TFRC: variants seen among roughly 807,000 people sequenced by gnomAD.
TFRC encodes transferrin receptor protein 1.
TFRC carries 35 observed loss-of-function variants against 85.8 expected under a neutral mutation model. The ratio of observed to expected loss-of-function variants is 0.41; its 90% CI spans 0.31 to 0.54. The LOEUF (loss-of-function observed/expected upper bound fraction) is 0.54. TFRC is among the 20% of genes least tolerant of loss of function. The probability of loss-of-function intolerance (pLI) is 0.31; values close to 1 mark genes in which losing one functional copy is unlikely to be tolerated. For missense variants in TFRC, 828 were observed against 921.5 expected, an observed-to-expected ratio of 0.90 and a Z score of 1.31; for synonymous variants, 362 against 328.6, an observed-to-expected ratio of 1.10 and a Z score of -1.10.
intron 7 of TFRC, among the ~76,000 whole-genome samples, chr3:196,068,487 T>C (rs1717914355): frequency 6.6e-6 from 1 of 150,626 alleles, no homozygotes. Flanking sequence ...GGCTGGCGCC[T>C]GTATTCCCAG....
chr3:196,080,880 C>T (rs1719114338), intron 1 of TFRC, among the ~76,000 whole-genome samples: 1 of 152,222 alleles, frequency 6.6e-6, no homozygotes, highest in Non-Finnish European at 1.5e-5. Flanking sequence ...GTACTCTAGA[C>T]AGCCTAACCT....
intron 10 of TFRC, 64 bp downstream of exon 10, chr3:196,065,379 T>A: frequency 2.0e-6 from 2 of 978,594 alleles, no homozygotes; most frequent in Non-Finnish European, 2.8e-6. Context: ...TCTAGCCACA[T>A]CCTTAGGAAC....
intron 2 of TFRC, 133 bp downstream of exon 2, chr3:196,076,931 A>G: frequency 1.2e-6 from 1 of 817,086 alleles, no homozygotes. Context: ...GTTATGCCTC[A>G]AGACTACCAA....
chr3:196,074,051 C>T lies in TFRC; in HGVS notation c.313G>A (p.Glu105Lys), dbSNP rs773087880. 6.2e-6 allele frequency: 10 copies of T among 1,614,144 alleles called. No homozygotes were observed. In the East Asian group the frequency reaches 1.1e-4, roughly 18 times the overall value. The change falls in exon 4 of 19, where the codon GAG (glutamate) becomes AAG (lysine). Residue 105 changes from glutamate (E) to lysine (K), a missense_variant. Coordinates refer to ENST00000360110, the MANE Select transcript of TFRC (RefSeq NM_001128148.3). Reference sequence around the variant, plus strand: ...CCTGGCTCCTCCCTCACTGGAGACTCGGTTCCTGCCAGTCTCTCACACTCA... The same window carrying T: ...CCTGGCTCCTCCCTCACTGGAGACTTGGTTCCTGCCAGTCTCTCACACTCA... ...KTECERLAGT[E>K]SPVREEPGED...
rs910726544 is a variant in TFRC at position 196,051,713 on chromosome 3, G to A, written c.*229C>T. 1.2e-5 allele frequency: 6 copies of A among 515,420 alleles called. No homozygotes were observed. Among genetic ancestry groups the A allele is most frequent in the African/African-American group, 1.2e-4 (6 of 51,988 alleles). 31.9% of individuals were successfully genotyped at this position (515,420 alleles called of 1,614,324 possible). A position where few individuals can be genotyped will look rare whatever the true frequency, so the allele number is the denominator to read the frequency against. On this transcript the variant is annotated 3_prime_UTR_variant, in exon 19 of 19. Transcript: ENST00000360110. ...AAAGCACTTAAAATTCTAGAGATAG[G>A]GGAATATTCCATCATGGACATTTTT...
At chr3:196,052,844 G>A (rs757102013) in intron 18 of TFRC, among the ~76,000 whole-genome samples, 6 of 152,122 alleles carry the variant, frequency 3.9e-5, no homozygotes, top group East Asian at 3.9e-4. Flanking sequence ...TAGGCACAGC[G>A]GCTCACGCTT....
In TFRC at chr3:196,050,407, G is replaced by T. The variant is rs1240133320; in HGVS notation, c.*1535C>A. The stretch of plus-strand genomic sequence containing the variant: ...AAAGATAGGGAATTATAGGAGTTGG[G>T]ATACATGTTAGATACTAACGATCTT... On this transcript the variant is annotated 3_prime_UTR_variant, in exon 19 of 19. Transcript: ENST00000360110. The T allele has an allele frequency of 4.7e-6, 1 of 211,468 alleles. No homozygotes were observed. The highest frequency in any genetic ancestry group is 9.6e-6 in the Non-Finnish European group (1 of 104,218). The allele number at this position is 211,468 out of a possible 1,614,324, so 13.1% of individuals were successfully genotyped here.
chr3:196,061,060 TTTTCCCCCATGTAGACA>T (rs1717241389), intron 13 of TFRC, among the ~76,000 whole-genome samples: 1 of 152,190 alleles, frequency 6.6e-6, no homozygotes, highest in Non-Finnish European at 1.5e-5. Flanking sequence ...CTCTTTCCTT[TTTTCCCCCATGTAGACA>T]TTTCACTATT....
Position 196,064,387 on chromosome 3 carries a change from G to A in TFRC, c.1240C>T (p.Pro414Ser). ...VVGAQRDAWG[P>S]GAAKSGVGTA... ...CCTACACCGGATTTTGCAGCTCCAG[G>A]GCCCCATGCATCTCTCTGGGCCCCA... Residue 414 changes from proline to serine, a missense_variant, in exon 11 of 19, where the codon CCT (proline) becomes TCT (serine). Pro to Ser is a moderately conservative substitution (Grantham distance 74). Coordinates refer to ENST00000360110, the MANE Select transcript of TFRC (RefSeq NM_001128148.3). 1 of 1,613,268 alleles carries A rather than the reference G, an allele frequency of 6.2e-7. No homozygotes were observed. Among genetic ancestry groups the A allele is most frequent in the Non-Finnish European group, 8.5e-7 (1 of 1,179,772 alleles).
intron 1 of TFRC, among the ~76,000 whole-genome samples, chr3:196,077,689 T>C (rs1718823023): frequency 6.6e-6 from 1 of 151,914 alleles, no homozygotes; most frequent in Admixed American, 6.6e-5. Flanking sequence ...GAGGTGGAGC[T>C]TGCAGTGAGC....
rs772462707 is a variant in TFRC at position 196,067,534 on chromosome 3, C to T, written c.1024G>A (p.Ala342Thr). The T allele has an allele frequency of 1.5e-5, 24 of 1,613,202 alleles. No individual in the cohort carries two copies. The highest frequency in any genetic ancestry group is 2.0e-5 in the Non-Finnish European group (24 of 1,179,664). The change falls in exon 9 of 19, where the codon GCA becomes ACA. Residue 342 changes from alanine to threonine, a missense_variant. Coordinates refer to ENST00000360110, the MANE Select transcript of TFRC (RefSeq NM_001128148.3). The stretch of plus-strand genomic sequence containing the variant: ...AAAACTTACCCAAACAGCTTTTCTG[C>T]AGCAGCTCTGGAGATTGTCTGGACA... ...IPVQTISRAA[A>T]EKLFGNMEGD...
At chr3:196,064,049 A>T (rs1255630842) in intron 11 of TFRC, among the ~76,000 whole-genome samples, 1 of 152,228 alleles carries the variant, frequency 6.6e-6, no homozygotes, top group Non-Finnish European at 1.5e-5. Flanking sequence ...ATCACTCTGG[A>T]TCCACCACAC....
intron 1 of TFRC, among the ~76,000 whole-genome samples, chr3:196,077,747 T>C (rs912843755): frequency 1.3e-5 from 2 of 151,526 alleles, no homozygotes; most frequent in Non-Finnish European, 2.9e-5. Context: ...AGCAAAACTC[T>C]GTCTCAAAAA....
At position 196,051,921 on chromosome 3, in the gene TFRC, T is replaced by C. The variant is rs776156400; in HGVS notation, c.*21A>G. ...AAACCAGACTACCCTGCTGTTCTCA[T>C]GGAAGCTATGGGTATCACATTTAAA... On this transcript the variant is annotated 3_prime_UTR_variant, in exon 19 of 19. Transcript: ENST00000360110. The C allele has an allele frequency of 1.2e-6, 2 of 1,611,106 alleles. No individual in the cohort carries two copies. The highest frequency in any genetic ancestry group is 2.7e-5 in the African/African-American group (2 of 74,932).
Position 196,068,057 on chromosome 3 carries a change from T to A in TFRC, c.875A>T (p.Asn292Ile). The A allele has an allele frequency of 6.2e-7, 1 of 1,613,256 alleles. No individual in the cohort carries two copies. The highest frequency in any genetic ancestry group is 8.5e-7 in the Non-Finnish European group (1 of 1,179,780). Residue 292 changes from asparagine (N) to isoleucine (I), a missense_variant, in exon 8 of 19, where the codon AAC becomes ATC. Transcript: ENST00000360110. The stretch of plus-strand genomic sequence containing the variant: ...ATGTCCAAAGAATGAAAGTTCTGCG[T>A]TAACAATGGGAAATTTAGTCTGGTC... ...YMDQTKFPIV[N>I]AELSFFGHAH...
chr3:196,071,508 AG>A lies in TFRC; in HGVS notation c.585-11del. On this transcript the variant is annotated splice_polypyrimidine_tract_variant and intron_variant, in intron 5 of 18. Coordinates refer to ENST00000360110, the MANE Select transcript of TFRC (RefSeq NM_001128148.3). Reference sequence around the variant, plus strand: ...CACCGAGTTTTGAGCGCTGTTAAAAAGATTAAGTTAAAATAAGCCTAAGGTC... The same window carrying A: ...CACCGAGTTTTGAGCGCTGTTAAAAAATTAAGTTAAAATAAGCCTAAGGTC... 6.2e-7 allele frequency: 1 copy of A among 1,613,330 alleles called. No homozygotes were observed. Among genetic ancestry groups the A allele is most frequent in the Non-Finnish European group, 8.5e-7 (1 of 1,179,296 alleles).
intron 9 of TFRC, 127 bp downstream of exon 9, chr3:196,067,391 C>G: frequency 9.8e-7 from 1 of 1,017,814 alleles, no homozygotes; most frequent in Non-Finnish European, 1.4e-6. Flanking sequence ...AAGGTAACAG[C>G]TAACCATCCT....
intron 7 of TFRC, 51 bp from the exon 8 acceptor site, chr3:196,068,181 T>C (rs1234917540): frequency 5.1e-6 from 7 of 1,369,358 alleles, no homozygotes; most frequent in African/African-American, 1.4e-5. Flanking sequence ...TCATACGAAA[T>C]GAGAATACAT....
chr3:196,055,027 TCAAAA>T, intron 17 of TFRC, 48 bp downstream of exon 17: 3 of 1,550,176 alleles, frequency 1.9e-6, no homozygotes, highest in African/African-American at 1.4e-5. Flanking sequence ...ACATCACATT[TCAAAA>T]TACTTGACAT....
Sources: allele counts gnomAD v4.1 joint callset (sites outside exome capture counted in the v4.1 genomes callset), GRCh38; gene constraint gnomAD v4.1.1; transcripts MANE v1.5; gene names NCBI Gene and HGNC (gene_info 2026-07-23, HGNC 2026-07-21).